GRXCR1: variants seen among roughly 807,000 people sequenced by gnomAD.
GRXCR1 encodes glutaredoxin domain-containing cysteine-rich protein 1.
GRXCR1 carries 27 observed loss-of-function variants against 27.3 expected under a neutral mutation model. That is an observed-to-expected ratio of 0.99 (90% CI 0.73 to 1.37). The LOEUF (loss-of-function observed/expected upper bound fraction) is 1.37, where lower values mean the gene tolerates loss of function less well. Among genes scored for constraint, GRXCR1 ranks in the 40% most tolerant of loss-of-function variants. The pLI, the probability that GRXCR1 is intolerant of heterozygous loss-of-function variation, is 0.00. For synonymous variants in GRXCR1, 122 were observed against 131.1 expected, an observed-to-expected ratio of 0.93 and a Z score of 0.47; for missense variants, 379 against 354.4, an observed-to-expected ratio of 1.07 and a Z score of -0.56.
intron 1 of GRXCR1, among the ~76,000 whole-genome samples, chr4:42,952,122 G>A (rs888719413): frequency 1.3e-5 from 2 of 152,154 alleles, no homozygotes; most frequent in Admixed American, 1.3e-4. Flanking sequence ...GACATCTGCT[G>A]TATGCTTATA....
At chr4:43,006,540 C>T (rs1712564556) in intron 2 of GRXCR1, among the ~76,000 whole-genome samples, 1 of 152,164 alleles carries the variant, frequency 6.6e-6, no homozygotes, top group Admixed American at 6.5e-5. Flanking sequence ...TCCCATAGCA[C>T]TCCCAGGCTT....
chr4:42,916,019 A>G lies in GRXCR1; in HGVS notation c.384+22369A>G, dbSNP rs111316174. Among the ~76,000 whole-genome samples, 4 of 151,974 alleles carry G rather than the reference A, an allele frequency of 2.6e-5. 1 individual carries two copies. The highest frequency in any genetic ancestry group is 9.6e-5 in the African/African-American group (4 of 41,452). On this transcript the variant is annotated intron_variant, in intron 1 of 3. Transcript: ENST00000399770. ...AGACAATTTTATTCCCAGCCAAGCT[A>G]CTAATCTAGTATAAGAATAGAACAA... is the stretch of plus-strand genomic sequence containing the variant.
At chr4:42,978,027 G>C (rs1253898256) in intron 2 of GRXCR1, among the ~76,000 whole-genome samples, 1 of 151,940 alleles carries the variant, frequency 6.6e-6, no homozygotes, top group Non-Finnish European at 1.5e-5. Context: ...TGGATATCCA[G>C]GTTTCCTAAC....
chr4:42,908,751 T>C (rs1746653884), intron 1 of GRXCR1, among the ~76,000 whole-genome samples: 1 of 152,098 alleles, frequency 6.6e-6, no homozygotes, highest in East Asian at 1.9e-4. Flanking sequence ...AATCACAATT[T>C]AGGAGACTGG....
intron 1 of GRXCR1, among the ~76,000 whole-genome samples, chr4:42,933,320 G>C (rs184188031): frequency 6.6e-6 from 1 of 151,814 alleles, no homozygotes; most frequent in African/African-American, 2.4e-5. Flanking sequence ...GCTTGAACCC[G>C]CTAGCTGGAG....
intron 1 of GRXCR1, among the ~76,000 whole-genome samples, chr4:42,937,274 CT>C (rs869137294): frequency 1.4e-4 from 2 of 14,452 alleles, no homozygotes; most frequent in Non-Finnish European, 3.1e-4. Flanking sequence ...ATATTGAGGT[CT>C]TTTTTATTTT....
chr4:42,942,082 A>C (rs1224899524), intron 1 of GRXCR1, among the ~76,000 whole-genome samples: 1 of 152,064 alleles, frequency 6.6e-6, no homozygotes, highest in African/African-American at 2.4e-5. Context: ...AGTAAAGCTA[A>C]AATTATCTGT....
Position 43,025,968 on chromosome 4 carries a change from TC to T in GRXCR1, c.694-4391del, listed in dbSNP as rs1713245494. Among the ~76,000 whole-genome samples, 11 of 131,168 alleles carry T rather than the reference TC, an allele frequency of 8.4e-5. No homozygotes were observed. In the South Asian group the frequency reaches 2.8e-3, roughly 33 times the overall value. 86.1% of individuals were successfully genotyped at this position (131,168 alleles called of 152,430 possible). On this transcript the variant is annotated intron_variant, in intron 3 of 3. Coordinates refer to ENST00000399770, the MANE Select transcript of GRXCR1 (RefSeq NM_001080476.3). ...TCCAGCCTGGGAAACAGAGCGAAACTCCGTCTCAAAAAAAAAAAAAAAAAGT... is the reference window on the plus strand; with the variant it reads ...TCCAGCCTGGGAAACAGAGCGAAACTCGTCTCAAAAAAAAAAAAAAAAAGT...
intron 2 of GRXCR1, among the ~76,000 whole-genome samples, chr4:43,017,591 T>C (rs1056464581): frequency 2.0e-5 from 3 of 152,234 alleles, no homozygotes; most frequent in Non-Finnish European, 2.9e-5. Flanking sequence ...ATTATATTAA[T>C]TTTAAGAAAA....
At chr4:42,915,443 G>T (rs1746863800) in intron 1 of GRXCR1, among the ~76,000 whole-genome samples, 2 of 152,214 alleles carry the variant, frequency 1.3e-5, no homozygotes, top group South Asian at 2.1e-4. Flanking sequence ...TTAATGAAAA[G>T]ATATTTTTCT....
At chr4:42,991,430 A>G (rs1363666358) in intron 2 of GRXCR1, among the ~76,000 whole-genome samples, 1 of 151,080 alleles carries the variant, frequency 6.6e-6, no homozygotes, top group East Asian at 1.9e-4. Flanking sequence ...TTATACATAT[A>G]TATCTATATA....
At chr4:42,983,318 T>G (rs1337725065) in intron 2 of GRXCR1, among the ~76,000 whole-genome samples, 2 of 145,634 alleles carry the variant, frequency 1.4e-5, no homozygotes, top group African/African-American at 5.1e-5. Flanking sequence ...AGGGAATCCT[T>G]TCCCCATTGC....
At chr4:43,001,042 T>A (rs1712339450) in intron 2 of GRXCR1, among the ~76,000 whole-genome samples, 1 of 151,892 alleles carries the variant, frequency 6.6e-6, no homozygotes, top group African/African-American at 2.4e-5. Flanking sequence ...TTCTCCTGCC[T>A]CAACCTCCTG....
rs529191828 is a variant in GRXCR1, at chr4:42,945,021, A to G, written c.385-17871A>G. Reference sequence around the variant, plus strand: ...TGGTAAAGGAGGTGAATCCTTTAGGAGCTGATTAGGTCACCTTCACTCTTC... The same window carrying G: ...TGGTAAAGGAGGTGAATCCTTTAGGGGCTGATTAGGTCACCTTCACTCTTC... On this transcript the variant is annotated intron_variant, in intron 1 of 3. Coordinates refer to ENST00000399770, the MANE Select transcript of GRXCR1 (RefSeq NM_001080476.3). Among the ~76,000 whole-genome samples, 6 of 152,220 alleles carry G rather than the reference A, an allele frequency of 3.9e-5. No individual in the cohort carries two copies. The South Asian group carries it at 1.2e-3, about 32-fold the overall frequency.
intron 2 of GRXCR1, among the ~76,000 whole-genome samples, chr4:42,983,862 G>C (rs1373626504): frequency 2.1e-5 from 3 of 141,722 alleles, no homozygotes; most frequent in Admixed American, 7.3e-5. Flanking sequence ...TTCAGACAGA[G>C]TCTCACTCTG....
rs1483549310 is a variant in GRXCR1 at position 42,893,170 on chromosome 4, A to G, written c.-97A>G. ...TTAGTTTCACAGGAGTGCTGCCATC[A>G]CTAGAATTGGCTCTGATATTGCTAT... is the stretch of plus-strand genomic sequence containing the variant. On this transcript the variant is annotated 5_prime_UTR_variant, in exon 1 of 4. Coordinates refer to ENST00000399770, the MANE Select transcript of GRXCR1 (RefSeq NM_001080476.3). 15 of 1,323,304 alleles carry G rather than the reference A, an allele frequency of 1.1e-5. No individual in the cohort carries two copies. Among genetic ancestry groups the G allele is most frequent in the Non-Finnish European group, 1.6e-5 (15 of 917,606 alleles). The allele number at this position is 1,323,304 out of a possible 1,614,324, so 82.0% of individuals were successfully genotyped here.
chr4:42,908,046 G>A (rs1246688451), intron 1 of GRXCR1, among the ~76,000 whole-genome samples: 1 of 152,098 alleles, frequency 6.6e-6, no homozygotes, highest in African/African-American at 2.4e-5. Context: ...CTACAGGGGG[G>A]TCATCTCCTG....
At chr4:42,943,115 A>G (rs948726239) in intron 1 of GRXCR1, among the ~76,000 whole-genome samples, 3 of 152,096 alleles carry the variant, frequency 2.0e-5, no homozygotes, top group Admixed American at 6.6e-5. Flanking sequence ...CATCATAGCT[A>G]TGTGAACTAG....
chr4:42,901,335 T>G (rs1746456158), intron 1 of GRXCR1, among the ~76,000 whole-genome samples: 1 of 152,144 alleles, frequency 6.6e-6, no homozygotes, highest in Non-Finnish European at 1.5e-5. Flanking sequence ...CTGAAATGAT[T>G]GTAATGGGAC....
Sources: gnomAD v4.1 joint callset for allele counts (sites outside exome capture counted in the v4.1 genomes callset) on GRCh38, gnomAD v4.1.1 for gene constraint, MANE v1.5 for transcripts, NCBI Gene and HGNC (gene_info 2026-07-23, HGNC 2026-07-21) for gene names.